Variants in ZNF804A observed in about 807,000 individuals in gnomAD.
ZNF804A encodes zinc finger protein 804A.
ZNF804A carries 2 observed loss-of-function variants against 16.5 expected under a neutral mutation model. The ratio of observed to expected loss-of-function variants is 0.12; its 90% CI spans 0.05 to 0.38. The LOEUF is 0.38. ZNF804A is among the 10% of genes least tolerant of loss of function. ZNF804A has a pLI of 0.99. For missense variants in ZNF804A, 1,473 were observed against 1,390.7 expected, an observed-to-expected ratio of 1.06 and a Z score of -0.94; for synonymous variants, 534 against 489.6, an observed-to-expected ratio of 1.09 and a Z score of -1.20.
intron 1 of ZNF804A, among the ~76,000 whole-genome samples, chr2:184,844,221 C>T (rs1011826149): frequency 6.6e-6 from 1 of 150,898 alleles, no homozygotes; most frequent in Non-Finnish European, 1.5e-5. Context: ...TTCATTTATA[C>T]ATATGATATA....
At chr2:184,799,150 G>A (rs1285618838) in intron 1 of ZNF804A, among the ~76,000 whole-genome samples, 1 of 152,042 alleles carries the variant, frequency 6.6e-6, no homozygotes, top group Admixed American at 6.6e-5. Flanking sequence ...GCACTCTAGA[G>A]GGTCTGTGGG....
chr2:184,922,041 CA>C (rs1685535807), intron 2 of ZNF804A, among the ~76,000 whole-genome samples: 1 of 152,108 alleles, frequency 6.6e-6, no homozygotes, highest in Non-Finnish European at 1.5e-5. Flanking sequence ...AGGCTGCTTC[CA>C]AATCTTTACT....
rs943248828 is a variant in ZNF804A, at chr2:184,786,157, A to G, written c.112-80212A>G. The stretch of plus-strand genomic sequence containing the variant: ...AAAGACATAACTCTTTTAAAAGTTT[A>G]CATTTAGCTTTATATATTGCTTATT... On this transcript the variant is annotated intron_variant, in intron 1 of 3. Coordinates refer to ENST00000302277, the MANE Select transcript of ZNF804A (RefSeq NM_194250.2). 4.6e-5 allele frequency among the ~76,000 whole-genome samples: 7 copies of G among 152,062 alleles called. 1 individual carries two copies. The highest frequency in any genetic ancestry group is 8.8e-5 in the Non-Finnish European group (6 of 67,990).
intron 1 of ZNF804A, among the ~76,000 whole-genome samples, chr2:184,751,034 C>T (rs568789092): frequency 6.6e-6 from 1 of 151,618 alleles, no homozygotes; most frequent in South Asian, 2.1e-4. Context: ...GACAATAATA[C>T]TGTATTGTCA....
intron 1 of ZNF804A, among the ~76,000 whole-genome samples, chr2:184,852,899 C>A (rs1288413457): frequency 6.6e-6 from 1 of 151,696 alleles, no homozygotes; most frequent in Admixed American, 6.6e-5. Context: ...TTTGTTCTCT[C>A]TATTCAAGGT....
chr2:184,658,146 G>A (rs1221687151), intron 1 of ZNF804A, among the ~76,000 whole-genome samples: 2 of 152,144 alleles, frequency 1.3e-5, no homozygotes, highest in Non-Finnish European at 2.9e-5. Flanking sequence ...CACAGATTAG[G>A]ATTGTAGTAA....
At chr2:184,868,319 C>T (rs924373039) in intron 2 of ZNF804A, among the ~76,000 whole-genome samples, 4 of 152,012 alleles carry the variant, frequency 2.6e-5, no homozygotes, top group Admixed American at 6.6e-5. Flanking sequence ...CGTCTTTGAG[C>T]GTGTCTTCCT....
intron 1 of ZNF804A, among the ~76,000 whole-genome samples, chr2:184,765,288 CTACTA>C (rs943559803): frequency 1.3e-5 from 2 of 152,092 alleles, no homozygotes; most frequent in African/African-American, 2.4e-5. Flanking sequence ...CTAAGTCACA[CTACTA>C]TGGTAATAAG....
chr2:184,747,266 C>A (rs946510480), intron 1 of ZNF804A, among the ~76,000 whole-genome samples: 1 of 147,686 alleles, frequency 6.8e-6, no homozygotes, highest in Admixed American at 6.8e-5. Context: ...CCGCTCGGGT[C>A]CCCTTCCACA....
chr2:184,721,668 T>C (rs542573065), intron 1 of ZNF804A, among the ~76,000 whole-genome samples: 18 of 152,156 alleles, frequency 1.2e-4, no homozygotes, highest in African/African-American at 4.3e-4. Context: ...TTATGGAGAA[T>C]AGCATGTAGT....
At chr2:184,733,828 T>TA (rs1392259129) in intron 1 of ZNF804A, among the ~76,000 whole-genome samples, 2 of 152,158 alleles carry the variant, frequency 1.3e-5, no homozygotes, top group Non-Finnish European at 2.9e-5. Flanking sequence ...ATCCCTTTAT[T>TA]ACTCTTTTAG....
At chr2:184,756,650 G>T (rs1178723840) in intron 1 of ZNF804A, among the ~76,000 whole-genome samples, 1 of 151,854 alleles carries the variant, frequency 6.6e-6, no homozygotes, top group Admixed American at 6.6e-5. Flanking sequence ...TATTTCATGT[G>T]TCCATTTTTA....
intron 1 of ZNF804A, among the ~76,000 whole-genome samples, chr2:184,830,509 A>C (rs2105795372): frequency 6.6e-6 from 1 of 152,228 alleles, no homozygotes; most frequent in Admixed American, 6.6e-5. Flanking sequence ...TTTTACCTGA[A>C]GATTCTATCA....
At chr2:184,880,613 T>C (rs1684796218) in intron 2 of ZNF804A, among the ~76,000 whole-genome samples, 1 of 152,080 alleles carries the variant, frequency 6.6e-6, no homozygotes, top group Non-Finnish European at 1.5e-5. Flanking sequence ...TTTTTTGAGA[T>C]CTCATGTTTC....
chr2:184,777,051 T>G (rs1694299470), intron 1 of ZNF804A, among the ~76,000 whole-genome samples: 1 of 151,624 alleles, frequency 6.6e-6, no homozygotes, highest in African/African-American at 2.4e-5. Flanking sequence ...TTCTTGAATC[T>G]AATGATTATT....
rs112921654 is a variant in ZNF804A, at chr2:184,737,158, GC to G, written c.112-129209del. Among the ~76,000 whole-genome samples, 922 of 151,582 alleles carry G rather than the reference GC, an allele frequency of 6.1e-3. 5 individuals are homozygous for G. Among genetic ancestry groups the G allele is most frequent in the African/African-American group, 0.02 (844 of 41,312 alleles). ...TGCAAGCTCCACCTCCTGGGTTCAC[GC>G]CATTCTTCTGCCTCAGCCTCCTGAG... is the stretch of plus-strand genomic sequence containing the variant. On this transcript the variant is annotated intron_variant, in intron 1 of 3. Transcript: ENST00000302277.
chr2:184,679,961 G>A (rs1366944210), intron 1 of ZNF804A, among the ~76,000 whole-genome samples: 1 of 152,154 alleles, frequency 6.6e-6, no homozygotes, highest in Non-Finnish European at 1.5e-5. Flanking sequence ...CAGGCCCAGA[G>A]TAAGAACTTA....
chr2:184,734,255 GC>G (rs1693574136), intron 1 of ZNF804A, among the ~76,000 whole-genome samples: 1 of 152,024 alleles, frequency 6.6e-6, no homozygotes, highest in South Asian at 2.1e-4. Flanking sequence ...TAAGGTGGAA[GC>G]TTAGATTGTT....
In ZNF804A at chr2:184,795,779, G is replaced by A. The variant is rs567487694; in HGVS notation, c.112-70590G>A. 7.9e-5 allele frequency among the ~76,000 whole-genome samples: 12 copies of A among 152,138 alleles called. No homozygotes were observed. The South Asian group carries it at 1.9e-3, about 24-fold the overall frequency. The stretch of plus-strand genomic sequence containing the variant: ...TGCTGAAATAAAAAAGACCATGCAA[G>A]GCTACTATGAACACCTTTATGTGCA... On this transcript the variant is annotated intron_variant, in intron 1 of 3. Coordinates refer to ENST00000302277, the MANE Select transcript of ZNF804A (RefSeq NM_194250.2).
Sources: gnomAD v4.1 joint callset for allele counts (sites outside exome capture counted in the v4.1 genomes callset) on GRCh38, gnomAD v4.1.1 for gene constraint, MANE v1.5 for transcripts, NCBI Gene and HGNC (gene_info 2026-07-23, HGNC 2026-07-21) for gene names.